The following SMG6 variants were observed in gnomAD, a reference collection of about 807,000 sequenced individuals.
SMG6 encodes telomerase-binding protein EST1A.
A neutral mutation model predicts 142.2 loss-of-function variants in SMG6; 66 were observed. The ratio of observed to expected loss-of-function variants is 0.46; its 90% CI spans 0.38 to 0.57. SMG6 has a LOEUF of 0.57. Among genes scored for constraint, SMG6 ranks in the 20% least tolerant of loss-of-function variants. SMG6 has a pLI of 0.00. For synonymous variants in SMG6, 779 were observed against 702.4 expected (o/e 1.11, Z -1.72); for missense variants, 1,793 against 1,832.0 (o/e 0.98, Z 0.39).
chr17:2,110,229 C>T (rs1030636561), intron 13 of SMG6, among the ~76,000 whole-genome samples: 3 of 151,954 alleles, frequency 2.0e-5, no homozygotes, highest in African/African-American at 7.3e-5. Flanking sequence ...AGTACCAGGC[C>T]AAACTGAAGC....
intron 8 of SMG6, among the ~76,000 whole-genome samples, chr17:2,251,481 A>G (rs972611520): frequency 2.6e-5 from 4 of 152,162 alleles, no homozygotes; most frequent in Non-Finnish European, 4.4e-5. Flanking sequence ...AGCTTCAATT[A>G]AACATAAGTT....
At chr17:2,115,879 TATTTA>T (rs576762093) in intron 13 of SMG6, among the ~76,000 whole-genome samples, 162 of 152,182 alleles carry the variant, frequency 1.1e-3, no homozygotes, top group African/African-American at 3.7e-3. Context: ...GGTAATTATT[TATTTA>T]ATTTTAGAGA....
chr17:2,109,778 C>T (rs1253914357), intron 13 of SMG6, among the ~76,000 whole-genome samples: 1 of 152,064 alleles, frequency 6.6e-6, no homozygotes, highest in African/African-American at 2.4e-5. Flanking sequence ...AACCTATATA[C>T]ACCCTAAACT....
chr17:2,147,409 G>A (rs1236104139), intron 13 of SMG6, among the ~76,000 whole-genome samples: 3 of 151,910 alleles, frequency 2.0e-5, no homozygotes, highest in Admixed American at 6.6e-5. Context: ...ACAGCTATAG[G>A]TTATAGGCCA....
Position 2,068,080 on chromosome 17 carries a change from A to T in SMG6, c.3835+698T>A, listed in dbSNP as rs537160400. Among the ~76,000 whole-genome samples, 1 of 152,216 alleles carries T rather than the reference A, an allele frequency of 6.6e-6. No individual in the cohort carries two copies. The highest frequency in any genetic ancestry group is 1.5e-5 in the Non-Finnish European group (1 of 68,004). On this transcript the variant is annotated intron_variant, in intron 16 of 18. Coordinates refer to ENST00000263073, the MANE Select transcript of SMG6 (RefSeq NM_017575.5). This position sits in a 1 kb window ranked among gnomAD's most constrained non-coding sequence, Gnocchi z 6.7. ...GAGCCCACCCTGAGGCTGACCCACC[A>T]CAGAGCTCCAAGAACTAAGGGTACC...
intron 9 of SMG6, among the ~76,000 whole-genome samples, chr17:2,241,539 T>C (rs1160763678): frequency 3.3e-5 from 5 of 152,340 alleles, no homozygotes; most frequent in South Asian, 2.1e-4. Flanking sequence ...TTCTGGCTTT[T>C]AAAAAAATTA....
chr17:2,252,032 G>A (rs557199800), intron 8 of SMG6, among the ~76,000 whole-genome samples: 34 of 151,836 alleles, frequency 2.2e-4, no homozygotes, highest in African/African-American at 8.2e-4. Flanking sequence ...ACCAGGAGAC[G>A]GAGGTTGCAG....
chr17:2,159,158 C>G (rs1445742398), intron 13 of SMG6, among the ~76,000 whole-genome samples: 1 of 152,052 alleles, frequency 6.6e-6, no homozygotes, highest in Non-Finnish European at 1.5e-5. Flanking sequence ...CAGTGGCTCA[C>G]GCCTGTAATC....
chr17:2,191,604 G>C (rs1050096206), intron 10 of SMG6, among the ~76,000 whole-genome samples: 8 of 152,210 alleles, frequency 5.3e-5, no homozygotes, highest in Non-Finnish European at 1.2e-4. Context: ...TTTCGGGTAA[G>C]GGTTTTGGCT....
intron 10 of SMG6, among the ~76,000 whole-genome samples, chr17:2,225,468 A>G (rs536897721): frequency 3.4e-4 from 52 of 152,226 alleles, no homozygotes; most frequent in African/African-American, 1.2e-3. Context: ...GCACCACTGC[A>G]CTCCAGCCTG....
At chr17:2,265,897 G>T in intron 8 of SMG6, 2 of 719,140 alleles carry the variant, frequency 2.8e-6, no homozygotes, top group Non-Finnish European at 3.4e-6. Flanking sequence ...CAATCTTAAA[G>T]AATGAAATAT....
chr17:2,081,980 GA>G, intron 14 of SMG6, 24 bp from the exon 15 acceptor site: 1 of 1,613,490 alleles, frequency 6.2e-7, no homozygotes, highest in Non-Finnish European at 8.5e-7. Flanking sequence ...AGCCGACCAG[GA>G]CAAAGAGGAG....
intron 15 of SMG6, 88 bp downstream of exon 15, chr17:2,081,722 C>T (rs1286362385): frequency 8.1e-6 from 12 of 1,476,242 alleles, no homozygotes; most frequent in Non-Finnish European, 1.1e-5. Flanking sequence ...TCTTAGTGTC[C>T]TGCTCAGCTC....
chr17:2,061,532 C>A lies in SMG6; in HGVS notation c.4220G>T (p.Arg1407Leu). 6.3e-7 allele frequency: 1 copy of A among 1,574,946 alleles called. No homozygotes were observed. The highest frequency in any genetic ancestry group is 8.6e-7 in the Non-Finnish European group (1 of 1,159,942). ...CCACGTGAGGAAGGCTGGGATGTCC[C>A]GTACAGGAACATTCCTTGTGAGCGC... is the stretch of plus-strand genomic sequence containing the variant. Reference protein sequence around the residue: ...VKALTRNVPVRDIPAFLTWAQ... With the variant: ...VKALTRNVPVLDIPAFLTWAQ... Residue 1407 changes from arginine (R) to leucine (L), a missense_variant, in exon 19 of 19, where the codon CGG becomes CTG. Around this residue, in one of 3 missense-constraint regions of SMG6, gnomAD observed 179 missense variants for 212.6 expected, o/e 0.84. Coordinates refer to ENST00000263073, the MANE Select transcript of SMG6 (RefSeq NM_017575.5).
Position 2,300,870 on chromosome 17 carries a change from A to G in SMG6, c.89-206T>C, listed in dbSNP as rs529465841. 2.6e-5 allele frequency among the ~76,000 whole-genome samples: 4 copies of G among 152,356 alleles called. No homozygotes were observed. In the East Asian group the frequency reaches 7.7e-4, roughly 29 times the overall value. On this transcript the variant is annotated intron_variant, in intron 1 of 18. Transcript: ENST00000263073. The stretch of plus-strand genomic sequence containing the variant: ...TACAACACTTGTTCAACAATTCACA[A>G]GGCTAAGGACCTAACTGTGTTGGGG...
chr17:2,090,609 A>G (rs1326101017), intron 13 of SMG6, among the ~76,000 whole-genome samples: 1 of 152,250 alleles, frequency 6.6e-6, no homozygotes, highest in Non-Finnish European at 1.5e-5. Flanking sequence ...GTCATTTTGC[A>G]AAATTTCTTT....
chr17:2,252,088 G>A (rs545118690), intron 8 of SMG6, among the ~76,000 whole-genome samples: 15 of 149,978 alleles, frequency 1.0e-4, no homozygotes, highest in East Asian at 9.8e-4. Context: ...AAACAAGAGC[G>A]AAACTCCATC....
chr17:2,300,644 C>G lies in SMG6; in HGVS notation c.109G>C (p.Glu37Gln). ...GSRENMKELKEARPRKDNRRP... is the reference protein window; with the variant it reads ...GSRENMKELKQARPRKDNRRP... ...CTGTTATCTTTGCGCGGCCTGGCCT[C>G]CTTTAATTCCTTCATGTTTTCTGTT... Residue 37 changes from glutamate to glutamine, a missense_variant, in exon 2 of 19, where the codon GAG (glutamate) becomes CAG (glutamine). Coordinates refer to ENST00000263073, the MANE Select transcript of SMG6 (RefSeq NM_017575.5). The G allele has an allele frequency of 6.3e-7, 1 of 1,585,780 alleles. No individual in the cohort carries two copies. The highest frequency in any genetic ancestry group is 8.6e-7 in the Non-Finnish European group (1 of 1,169,468).
At chr17:2,244,073 C>T (rs1044145850) in intron 9 of SMG6, among the ~76,000 whole-genome samples, 7 of 152,154 alleles carry the variant, frequency 4.6e-5, no homozygotes, top group African/African-American at 1.2e-4. Context: ...GGAATTTAAG[C>T]AGTCAAGTGT....
Sources: allele counts gnomAD v4.1 joint callset (sites outside exome capture counted in the v4.1 genomes callset), GRCh38; gene constraint gnomAD v4.1.1; regional missense constraint gnomAD v4.1.1; non-coding constraint Gnocchi (gnomAD v3.1); transcripts MANE v1.5; gene names NCBI Gene and HGNC (gene_info 2026-07-23, HGNC 2026-07-21).